Variants in LARP4 observed in about 807,000 individuals in gnomAD.
LARP4 encodes the protein La ribonucleoprotein 4.
A neutral mutation model predicts 92.9 loss-of-function variants in LARP4; 29 were observed. The ratio of observed to expected loss-of-function variants is 0.31; its 90% CI spans 0.23 to 0.43. The LOEUF is 0.43. LARP4 is among the 20% of genes least tolerant of loss of function. LARP4 has a pLI of 1.00. For synonymous variants in LARP4, 279 were observed against 284.1 expected, an observed-to-expected ratio of 0.98 and a Z score of 0.18; for missense variants, 732 against 860.0, an observed-to-expected ratio of 0.85 and a Z score of 1.86.
intron 1 of LARP4, among the ~76,000 whole-genome samples, chr12:50,401,753 C>A (rs1943892524): frequency 6.6e-6 from 1 of 152,162 alleles, no homozygotes; most frequent in African/African-American, 2.4e-5. Context: ...GAAACTTATT[C>A]CGGGAAAAGC....
At chr12:50,409,954 G>A (rs901448549) in intron 1 of LARP4, among the ~76,000 whole-genome samples, 1 of 151,716 alleles carries the variant, frequency 6.6e-6, no homozygotes, top group African/African-American at 2.4e-5. Context: ...CACCATGCGT[G>A]GCTAATTTTG....
intron 14 of LARP4, among the ~76,000 whole-genome samples, 193 bp from the exon 15 acceptor site, chr12:50,473,806 T>TGGGGGGGTGG (rs1565768218): frequency 1.3e-3 from 7 of 5,224 alleles, no homozygotes; most frequent in African/African-American, 5.1e-3. Flanking sequence ...TGGGGGTGGG[T>TGGGGGGGTGG]GGGGGGGTGG....
chr12:50,403,341 T>A (rs1944220543), intron 1 of LARP4, among the ~76,000 whole-genome samples: 1 of 152,240 alleles, frequency 6.6e-6, no homozygotes. Flanking sequence ...CTTTAAATGT[T>A]AATGGCAGCA....
intron 1 of LARP4, chr12:50,420,777 C>T (rs1449088535): frequency 6.6e-6 from 1 of 151,934 alleles, no homozygotes; most frequent in African/African-American, 2.4e-5. Context: ...TGAATGATAT[C>T]CTTTGGGTAG....
chr12:50,405,515 G>A (rs1944656978), intron 1 of LARP4, among the ~76,000 whole-genome samples: 2 of 151,170 alleles, frequency 1.3e-5, no homozygotes, highest in African/African-American at 4.9e-5. Context: ...CACCTCCCCA[G>A]CTCAAGTGAT....
chr12:50,429,039 G>A lies in LARP4; in HGVS notation c.271G>A (p.Gly91Arg), dbSNP rs1409009576. The A allele has an allele frequency of 3.7e-6, 6 of 1,611,706 alleles. No individual in the cohort carries two copies. Among genetic ancestry groups the A allele is most frequent in the Non-Finnish European group, 5.1e-6 (6 of 1,178,708 alleles). The change falls in exon 3 of 16, where the codon GGG (glycine) becomes AGG (arginine). Residue 91 changes from glycine (G) to arginine (R), a missense_variant. Physicochemically the swap from Gly to Arg is moderately radical, Grantham distance 125. Transcript: ENST00000398473. ...TACAGGCATTGAAGAATCAACTGAT[G>A]GGATGATTTTAGGACCAGAAGATCT... ...NTTGIEESTDGMILGPEDLSY... is the reference protein window; with the variant it reads ...NTTGIEESTDRMILGPEDLSY...
chr12:50,427,991 C>CTTTTT, intron 2 of LARP4, 82 bp downstream of exon 2: 1 of 413,460 alleles, frequency 2.4e-6, no homozygotes, highest in South Asian at 6.5e-5. Context: ...TGAGACACAT[C>CTTTTT]TCTTTTTTTT....
At chr12:50,457,356 G>A (rs547385181) in intron 10 of LARP4, among the ~76,000 whole-genome samples, 1 of 151,854 alleles carries the variant, frequency 6.6e-6, no homozygotes, top group Admixed American at 6.6e-5. Flanking sequence ...ACAGACGCAT[G>A]CCACCACGCC....
Position 50,464,132 on chromosome 12 carries a change from C to T in LARP4, c.1383+1502C>T, listed in dbSNP as rs565787149. Among the ~76,000 whole-genome samples, 4 of 152,294 alleles carry T rather than the reference C, an allele frequency of 2.6e-5. No individual in the cohort carries two copies. In the East Asian group the frequency reaches 5.8e-4, roughly 22 times the overall value. On this transcript the variant is annotated intron_variant, in intron 12 of 15. Transcript: ENST00000398473. ...TGCTCCACTCCTCAGTACCAATTTT[C>T]GTTAAGCCGTTCTCACATTGCTGTA...
intron 13 of LARP4, among the ~76,000 whole-genome samples, chr12:50,471,177 T>A (rs1198787109): frequency 6.6e-6 from 1 of 152,174 alleles, no homozygotes; most frequent in Non-Finnish European, 1.5e-5. Flanking sequence ...CATTCTTAGC[T>A]TGTAAGCCAT....
rs770709946 is a variant in LARP4 at position 50,429,137 on chromosome 12, AC to A, written c.322+53del. 2.8e-5 allele frequency: 39 copies of A among 1,381,248 alleles called. No homozygotes were observed. The East Asian group carries it at 7.4e-4, about 26-fold the overall frequency. The allele number at this position is 1,381,248 out of a possible 1,614,324, so 85.6% of individuals were successfully genotyped here. The stretch of plus-strand genomic sequence containing the variant: ...TTAAAATGAGAATTCAGTACAGGAC[AC>A]CCCCCACCCATGGTCTCTTTATACT... On this transcript the variant is annotated intron_variant, in intron 3 of 15. Coordinates refer to ENST00000398473, the MANE Select transcript of LARP4 (RefSeq NM_052879.5).
At chr12:50,409,990 C>G (rs1259337179) in intron 1 of LARP4, among the ~76,000 whole-genome samples, 3 of 151,286 alleles carry the variant, frequency 2.0e-5, no homozygotes, top group Admixed American at 1.3e-4. Flanking sequence ...CGGGGTTTCT[C>G]CATGTTGGTC....
chr12:50,403,878 G>T (rs182333892), intron 1 of LARP4, among the ~76,000 whole-genome samples: 388 of 152,254 alleles, frequency 2.5e-3, no homozygotes, highest in Non-Finnish European at 4.7e-3. Flanking sequence ...ATAGATATCT[G>T]TACATCTTAA....
chr12:50,462,409 G>A (rs188464307), intron 11 of LARP4, among the ~76,000 whole-genome samples, 173 bp from the exon 12 acceptor site: 34 of 151,706 alleles, frequency 2.2e-4, no homozygotes, highest in Non-Finnish European at 3.7e-4. Context: ...GAACCCGGGA[G>A]GCAGTTCGTA....
intron 1 of LARP4, among the ~76,000 whole-genome samples, chr12:50,420,628 T>C (rs1029181807): frequency 6.6e-6 from 1 of 152,216 alleles, no homozygotes; most frequent in Non-Finnish European, 1.5e-5. Context: ...TTAGCCATAG[T>C]ATAAACCAGA....
At chr12:50,434,579 G>C (rs1194898120) in intron 4 of LARP4, among the ~76,000 whole-genome samples, 11 of 150,854 alleles carry the variant, frequency 7.3e-5, no homozygotes, top group Non-Finnish European at 1.5e-4. Context: ...CTAATTTTTT[G>C]TATTTTTAGT....
At position 50,477,101 on chromosome 12, in the gene LARP4, C is replaced by G. The variant is rs906162303; in HGVS notation, c.*1237C>G. On this transcript the variant is annotated 3_prime_UTR_variant, in exon 16 of 16. Coordinates refer to ENST00000398473, the MANE Select transcript of LARP4 (RefSeq NM_052879.5). ...TACCTTCCTTCCCTCCTCTTCTCCC[C>G]CCACACCCAACAAAATACAGTTTGG... 6.6e-6 allele frequency: 1 copy of G among 152,414 alleles called. No homozygotes were observed. Among genetic ancestry groups the G allele is most frequent in the Admixed American group, 6.6e-5 (1 of 15,252 alleles). 9.4% of individuals were successfully genotyped at this position (152,414 alleles called of 1,614,324 possible).
intron 1 of LARP4, among the ~76,000 whole-genome samples, chr12:50,417,025 T>G (rs1205221673): frequency 1.3e-5 from 2 of 152,158 alleles, no homozygotes; most frequent in African/African-American, 2.4e-5. Context: ...AGTGATTGAT[T>G]GTTTAAAAAC....
At chr12:50,426,557 C>T (rs1029071983) in intron 1 of LARP4, among the ~76,000 whole-genome samples, 1 of 151,914 alleles carries the variant, frequency 6.6e-6, no homozygotes, top group African/African-American at 2.4e-5. Context: ...CGCTTGTTAT[C>T]CTACACTTAG....
Sources: gnomAD v4.1 joint callset for allele counts (sites outside exome capture counted in the v4.1 genomes callset) on GRCh38, gnomAD v4.1.1 for gene constraint, MANE v1.5 for transcripts, NCBI Gene and HGNC (gene_info 2026-07-23, HGNC 2026-07-21) for gene names.